SYNE3: variants seen among roughly 807,000 people sequenced by gnomAD.
SYNE3 encodes the protein spectrin repeat containing nuclear envelope family member 3.
Under a neutral mutation model 111.2 loss-of-function variants are expected in SYNE3, and 100 were observed. The observed-to-expected ratio is 0.90, with a 90% CI of 0.77 to 1.06. The LOEUF (loss-of-function observed/expected upper bound fraction) is 1.06. SYNE3 is among the 50% of genes least tolerant of loss of function. SYNE3 has a pLI of 0.00. For synonymous variants in SYNE3, 547 were observed against 533.9 expected (o/e 1.02, Z -0.34); for missense variants, 1,160 against 1,240.3 (o/e 0.94, Z 0.97).
intron 17 of SYNE3, among the ~76,000 whole-genome samples, chr14:95,430,149 T>A (rs543486443): frequency 6.6e-6 from 1 of 152,236 alleles, no homozygotes; most frequent in Non-Finnish European, 1.5e-5. Flanking sequence ...CTCAAAAACA[T>A]TTAGTGTGCA....
chr14:95,467,780 C>T lies in SYNE3; in HGVS notation c.317+15G>A. The T allele has an allele frequency of 1.2e-6, 2 of 1,613,864 alleles. No individual in the cohort carries two copies. Among genetic ancestry groups the T allele is most frequent in the Non-Finnish European group, 1.7e-6 (2 of 1,179,900 alleles). ...GGTAAATGGCAGCTGTGGACAAAGG[C>T]CCTGGATGCCCTACCTGTGACAGTG... On this transcript the variant is annotated intron_variant, in intron 3 of 17. Coordinates refer to ENST00000682763, the MANE Select transcript of SYNE3 (RefSeq NM_152592.6).
intron 14 of SYNE3, among the ~76,000 whole-genome samples, chr14:95,437,230 G>A (rs905514611): frequency 1.3e-5 from 2 of 152,216 alleles, no homozygotes; most frequent in African/African-American, 4.8e-5. Flanking sequence ...CTCTTACCAG[G>A]ATGGCTATAC....
At chr14:95,462,805 C>T (rs1322007466) in intron 4 of SYNE3, among the ~76,000 whole-genome samples, 1 of 152,258 alleles carries the variant, frequency 6.6e-6, no homozygotes, top group Non-Finnish European at 1.5e-5. Flanking sequence ...TCATCAGCAC[C>T]TCTGGCTTTT....
chr14:95,480,478 C>G (rs1002981955), intron 1 of SYNE3, among the ~76,000 whole-genome samples: 13 of 152,190 alleles, frequency 8.5e-5, no homozygotes, highest in Middle Eastern at 3.2e-3. Flanking sequence ...AACACAGAAC[C>G]TGGGTCAAAA....
At chr14:95,466,293 G>A in intron 3 of SYNE3, 53 bp from the exon 4 acceptor site, 1 of 1,516,710 alleles carries the variant, frequency 6.6e-7, no homozygotes. Context: ...CTGCCTCCTG[G>A]GTCGGGGGTC....
chr14:95,476,162 C>T (rs1294917642), intron 1 of SYNE3, among the ~76,000 whole-genome samples: 1 of 152,226 alleles, frequency 6.6e-6, no homozygotes, highest in Non-Finnish European at 1.5e-5. Context: ...TGCACGCTCT[C>T]CAAAAGAGGA....
Position 95,491,277 on chromosome 14 carries a change from A to G in SYNE3, c.-14-15442T>C, listed in dbSNP as rs370486250. On this transcript the variant is annotated intron_variant, in intron 1 of 17. Coordinates refer to ENST00000682763, the MANE Select transcript of SYNE3 (RefSeq NM_152592.6). ...CTTATCTAGCTGTGCCGTTTTATGGATGAGGAGACTTAGTGAAGGAAGTAG... is the reference window on the plus strand; with the variant it reads ...CTTATCTAGCTGTGCCGTTTTATGGGTGAGGAGACTTAGTGAAGGAAGTAG... 1.1e-3 allele frequency among the ~76,000 whole-genome samples: 172 copies of G among 152,244 alleles called. 3 individuals are homozygous for G. The South Asian group carries it at 0.034, about 30-fold the overall frequency.
At chr14:95,496,048 G>T (rs1025191374) in intron 1 of SYNE3, among the ~76,000 whole-genome samples, 4 of 152,232 alleles carry the variant, frequency 2.6e-5, no homozygotes, top group African/African-American at 4.8e-5. Flanking sequence ...GAGGGGCCGG[G>T]AGAAGATGAA....
intron 4 of SYNE3, among the ~76,000 whole-genome samples, chr14:95,459,457 C>T (rs1212911523): frequency 2.6e-5 from 4 of 152,000 alleles, no homozygotes; most frequent in African/African-American, 4.8e-5. Flanking sequence ...CTCAGCTACT[C>T]GGGAGGCTGA....
At chr14:95,467,262 C>T (rs1398937697) in intron 3 of SYNE3, among the ~76,000 whole-genome samples, 1 of 152,128 alleles carries the variant, frequency 6.6e-6, no homozygotes, top group Non-Finnish European at 1.5e-5. Context: ...TTGATATTTG[C>T]TATCCCCTCC....
chr14:95,496,439 T>C (rs1396973348), intron 1 of SYNE3, among the ~76,000 whole-genome samples: 2 of 152,264 alleles, frequency 1.3e-5, no homozygotes, highest in Non-Finnish European at 2.9e-5. Flanking sequence ...ATGAATGTCC[T>C]GTGGGAAGCC....
intron 1 of SYNE3, among the ~76,000 whole-genome samples, chr14:95,478,938 A>G (rs10144560): frequency 0.54 from 82,432 of 151,744 alleles, 23,056 homozygotes; most frequent in African/African-American, 0.7. Context: ...CCACCGGCAC[A>G]TGTCTGGGAA....
chr14:95,432,209 C>T (rs749107488), intron 16 of SYNE3, 92 bp from the exon 17 acceptor site: 29 of 1,452,280 alleles, frequency 2.0e-5, no homozygotes, highest in African/African-American at 2.8e-5. Context: ...ATGGAATATT[C>T]GTTTTGTCAG....
At chr14:95,446,175 G>A (rs1181908674) in intron 8 of SYNE3, 84 bp from the exon 9 acceptor site, 14 of 1,502,056 alleles carry the variant, frequency 9.3e-6, no homozygotes, top group Non-Finnish European at 1.3e-5. Context: ...TGTTCTGGCT[G>A]CAACTGCTTA....
At chr14:95,445,787 C>T in intron 9 of SYNE3, 122 bp downstream of exon 9, 1 of 1,081,892 alleles carries the variant, frequency 9.2e-7, no homozygotes, top group South Asian at 1.5e-5. Flanking sequence ...AGGGATACAC[C>T]CAGGGCCACA....
intron 4 of SYNE3, among the ~76,000 whole-genome samples, chr14:95,457,858 A>G (rs1887562900): frequency 6.6e-6 from 1 of 152,130 alleles, no homozygotes; most frequent in Admixed American, 6.5e-5. Flanking sequence ...CCCAGCTAGG[A>G]AAGTGCCAAG....
At chr14:95,487,279 T>C (rs374807883) in intron 1 of SYNE3, among the ~76,000 whole-genome samples, 12 of 152,370 alleles carry the variant, frequency 7.9e-5, no homozygotes, top group East Asian at 5.8e-4. Flanking sequence ...GATTTTCTTA[T>C]ATTCTCTTAC....
rs921991617 is a variant in SYNE3 at position 95,457,183 on chromosome 14, T to C, written c.783A>G (p.Thr261=). 3 of 1,613,198 alleles carry C rather than the reference T, an allele frequency of 1.9e-6. No homozygotes were observed. The highest frequency in any genetic ancestry group is 2.5e-6 in the Non-Finnish European group (3 of 1,179,766). Residue 261 remains threonine, a synonymous_variant, in exon 5 of 18, where the codon ACA becomes ACG. Transcript: ENST00000682763. ...AGACACAGCTGGGGATTACCTGCAG[T>C]GTGGAGAGGCGCTGCGTGATGGGCA... ...CKLPITQRLS[T]LQDIAKDFPR...
intron 4 of SYNE3, 85 bp downstream of exon 4, chr14:95,465,846 A>C: frequency 7.2e-7 from 1 of 1,397,954 alleles, no homozygotes; most frequent in East Asian, 2.4e-5. Flanking sequence ...GCTTGATAGT[A>C]GGCAAACAGT....
Sources: gnomAD v4.1 joint callset for allele counts (sites outside exome capture counted in the v4.1 genomes callset) on GRCh38, gnomAD v4.1.1 for gene constraint, MANE v1.5 for transcripts, NCBI Gene and HGNC (gene_info 2026-07-23, HGNC 2026-07-21) for gene names.